ABCC12: variants seen among roughly 807,000 people sequenced by gnomAD.
ABCC12 encodes ATP-binding cassette sub-family C member 12.
Under a neutral mutation model 151.1 loss-of-function variants are expected in ABCC12, and 142 were observed. That is an observed-to-expected ratio of 0.94 (90% confidence interval 0.82 to 1.08). The LOEUF is 1.08. Ranked by LOEUF, ABCC12 falls within the 50% of genes least tolerant of loss-of-function variation. The pLI is 0.00. For missense variants in ABCC12, 1,638 were observed against 1,691.1 expected (o/e 0.97, Z 0.55); for synonymous variants, 645 against 646.4 (o/e 1.00, Z 0.03).
At chr16:48,095,450 T>C (rs1388541666) in intron 24 of ABCC12, among the ~76,000 whole-genome samples, 1 of 152,152 alleles carries the variant, frequency 6.6e-6, no homozygotes, top group Admixed American at 6.6e-5. Flanking sequence ...AATATTAATA[T>C]CCTCAGAGAG....
intron 3 of ABCC12, among the ~76,000 whole-genome samples, chr16:48,145,281 G>T (rs1388048619): frequency 6.6e-6 from 1 of 152,148 alleles, no homozygotes; most frequent in Non-Finnish European, 1.5e-5. Context: ...CTGCTGCTCA[G>T]AGAACAAACC....
Position 48,138,238 on chromosome 16 carries a change from G to A in ABCC12, c.969C>T (p.Asn323=), listed in dbSNP as rs147377302. 261 of 1,609,218 alleles carry A rather than the reference G, an allele frequency of 1.6e-4. No homozygotes were observed. In the Middle Eastern group the frequency reaches 1.7e-3, roughly 10 times the overall value. The change falls in exon 8 of 31, where the codon AAC becomes AAT. Residue 323 remains asparagine (N), a synonymous_variant. Coordinates refer to ENST00000311303, the MANE Select transcript of ABCC12 (RefSeq NM_001393797.1). ...KMYAWEKSFT[N]TIQDIRRRER... is the part of the protein sequence containing the mutation. Reference sequence around the variant, plus strand: ...CTACTCTTGTCCTACCTTGGATAGTGTTGGTAAAAGATTTCTCCCAGGCAT... The same window carrying A: ...CTACTCTTGTCCTACCTTGGATAGTATTGGTAAAAGATTTCTCCCAGGCAT...
chr16:48,105,050 A>G, intron 21 of ABCC12, 89 bp downstream of exon 21: 1 of 1,478,970 alleles, frequency 6.8e-7, no homozygotes, highest in Non-Finnish European at 9.4e-7. Context: ...CTGTCCCCAG[A>G]GCCCAGCACC....
At chr16:48,100,574 T>C (rs1288623345) in intron 23 of ABCC12, among the ~76,000 whole-genome samples, 1 of 152,232 alleles carries the variant, frequency 6.6e-6, no homozygotes, top group Non-Finnish European at 1.5e-5. Context: ...GTGATTTTTT[T>C]CTTCTTTTTT....
intron 24 of ABCC12, among the ~76,000 whole-genome samples, chr16:48,091,964 G>C (rs1204937520): frequency 6.6e-6 from 1 of 152,188 alleles, no homozygotes; most frequent in African/African-American, 2.4e-5. Context: ...GTCATTATAA[G>C]AGACAGAGGA....
intron 15 of ABCC12, among the ~76,000 whole-genome samples, chr16:48,113,742 T>G (rs1471382670): frequency 2.5e-4 from 38 of 152,132 alleles, no homozygotes. Flanking sequence ...GAAGGTGGAA[T>G]CTAAGGAGAT....
chr16:48,111,558 A>G lies in ABCC12; in HGVS notation c.2209+20T>C, dbSNP rs772039321. On this transcript the variant is annotated intron_variant, in intron 17 of 30. Coordinates refer to ENST00000311303, the MANE Select transcript of ABCC12 (RefSeq NM_001393797.1). Reference sequence around the variant, plus strand: ...TGTGTCCATTCAAGCCAAGGACAATAACAGGGATGGGATTCTAACCGATTA... The same window carrying G: ...TGTGTCCATTCAAGCCAAGGACAATGACAGGGATGGGATTCTAACCGATTA... 11 of 1,614,082 alleles carry G rather than the reference A, an allele frequency of 6.8e-6. No individual in the cohort carries two copies. The Admixed American group carries it at 1.8e-4, about 27-fold the overall frequency.
chr16:48,094,915 G>C (rs1002381617), intron 24 of ABCC12, among the ~76,000 whole-genome samples: 1 of 152,114 alleles, frequency 6.6e-6, no homozygotes, highest in Non-Finnish European at 1.5e-5. Flanking sequence ...CAGTTCCCCG[G>C]AGTTAAATAC....
At chr16:48,118,689 G>A (rs551006025) in intron 13 of ABCC12, among the ~76,000 whole-genome samples, 11 of 152,320 alleles carry the variant, frequency 7.2e-5, no homozygotes, top group Middle Eastern at 3.4e-3. Context: ...CTGCCCTTCC[G>A]GTTGCACACA....
chr16:48,094,257 G>A (rs1963013477), intron 24 of ABCC12, among the ~76,000 whole-genome samples: 1 of 152,230 alleles, frequency 6.6e-6, no homozygotes, highest in Non-Finnish European at 1.5e-5. Flanking sequence ...CCACTTAAGA[G>A]AGAGTACAGA....
chr16:48,091,769 T>C (rs1441993419), intron 24 of ABCC12, among the ~76,000 whole-genome samples: 1 of 152,172 alleles, frequency 6.6e-6, no homozygotes, highest in Non-Finnish European at 1.5e-5. Flanking sequence ...AACCCCAAGA[T>C]TTGACTGCAA....
intron 2 of ABCC12, among the ~76,000 whole-genome samples, chr16:48,149,756 A>C (rs982922464): frequency 2.0e-5 from 3 of 152,206 alleles, no homozygotes; most frequent in Admixed American, 6.5e-5. Flanking sequence ...ATACATTAAT[A>C]ACAGAAGGAC....
chr16:48,101,142 A>C, intron 22 of ABCC12, 133 bp from the exon 23 acceptor site: 1 of 1,099,180 alleles, frequency 9.1e-7, no homozygotes, highest in Admixed American at 2.9e-5. Flanking sequence ...ACTGGGGATG[A>C]AGAGCAGCCT....
intron 11 of ABCC12, among the ~76,000 whole-genome samples, chr16:48,127,620 G>C (rs1964283387): frequency 6.6e-6 from 1 of 152,184 alleles, no homozygotes; most frequent in African/African-American, 2.4e-5. Flanking sequence ...ACCCTCTTGT[G>C]CCTTAGGCTC....
At chr16:48,097,902 C>T (rs915874264) in intron 23 of ABCC12, among the ~76,000 whole-genome samples, 36 of 152,154 alleles carry the variant, frequency 2.4e-4, no homozygotes, top group African/African-American at 8.5e-4. Flanking sequence ...CAGTGCATTG[C>T]AGCAGCAGGA....
chr16:48,110,736 C>T (rs1372299537), intron 18 of ABCC12, among the ~76,000 whole-genome samples: 14 of 152,068 alleles, frequency 9.2e-5, no homozygotes, highest in Admixed American at 5.9e-4. Flanking sequence ...GGGACCAGTC[C>T]GAAGGCCACC....
chr16:48,104,417 A>T, intron 21 of ABCC12, 49 bp from the exon 22 acceptor site: 2 of 1,547,368 alleles, frequency 1.3e-6, no homozygotes, highest in Non-Finnish European at 1.8e-6. Flanking sequence ...CGTGCTTAGT[A>T]AACCCTGCTG....
intron 15 of ABCC12, among the ~76,000 whole-genome samples, chr16:48,115,132 G>A (rs1287436192): frequency 6.6e-6 from 1 of 152,090 alleles, no homozygotes; most frequent in Non-Finnish European, 1.5e-5. Context: ...TTGGGGAAGG[G>A]TGCCCCAATC....
intron 4 of ABCC12, among the ~76,000 whole-genome samples, chr16:48,143,330 C>T (rs1596631095): frequency 6.6e-6 from 1 of 152,198 alleles, no homozygotes; most frequent in Non-Finnish European, 1.5e-5. Context: ...TCTCTCCCCG[C>T]TAATGCTGCC....
Sources: allele counts gnomAD v4.1 joint callset (sites outside exome capture counted in the v4.1 genomes callset), GRCh38; gene constraint gnomAD v4.1.1; transcripts MANE v1.5; gene names NCBI Gene and HGNC (gene_info 2026-07-23, HGNC 2026-07-21).